SLC30A7: variants seen among roughly 807,000 people sequenced by gnomAD.
The protein encoded by SLC30A7 is solute carrier family 30 member 7, also known as zinc transporter 7.
In SLC30A7, 35 loss-of-function variants were observed where a neutral mutation model predicts 46.0. The ratio of observed to expected loss-of-function variants is 0.76; its 90% CI spans 0.58 to 1.01. The LOEUF (loss-of-function observed/expected upper bound fraction) is 1.01. SLC30A7 is among the 50% of genes least tolerant of loss of function. The pLI, the probability that SLC30A7 is intolerant of heterozygous loss-of-function variation, is 0.00. For synonymous variants in SLC30A7, 147 were observed against 157.8 expected (o/e 0.93, Z 0.51); for missense variants, 464 against 451.1 (o/e 1.03, Z -0.26).
At chr1:100,939,333 T>C (rs1654195764) in intron 8 of SLC30A7, among the ~76,000 whole-genome samples, 1 of 152,106 alleles carries the variant, frequency 6.6e-6, no homozygotes, top group African/African-American at 2.4e-5. Context: ...AAGTTACAGA[T>C]ATAAGATTGA....
intron 9 of SLC30A7, among the ~76,000 whole-genome samples, chr1:100,962,919 G>T (rs1049579011): frequency 6.6e-6 from 1 of 152,132 alleles, no homozygotes; most frequent in African/African-American, 2.4e-5. Context: ...GATTATATTA[G>T]CAGAGGGGAG....
intron 8 of SLC30A7, among the ~76,000 whole-genome samples, chr1:100,932,458 T>C (rs1653718625): frequency 6.6e-6 from 1 of 152,062 alleles, no homozygotes; most frequent in Non-Finnish European, 1.5e-5. Context: ...ATGGCCTCTT[T>C]GTGGTTTGCA....
At chr1:100,898,338 G>A (rs1055631862) in intron 2 of SLC30A7, among the ~76,000 whole-genome samples, 3 of 152,050 alleles carry the variant, frequency 2.0e-5, no homozygotes, top group Non-Finnish European at 4.4e-5. Flanking sequence ...AGATCTGTTG[G>A]GGAGATTACC....
rs182133880 is a variant in SLC30A7 at position 100,937,646 on chromosome 1, T to C, written c.842+15805T>C. ...GGAAAATGTCTATTCAAATACTTTG[T>C]CCATTTTTAAATTGTTTGTTGTTGT... On this transcript the variant is annotated intron_variant, in intron 8 of 10. Coordinates refer to ENST00000357650, the MANE Select transcript of SLC30A7 (RefSeq NM_133496.5). Among the ~76,000 whole-genome samples, 235 of 152,322 alleles carry C rather than the reference T, an allele frequency of 1.5e-3. 1 individual carries two copies. Among genetic ancestry groups the C allele is most frequent in the Admixed American group, 2.5e-3 (38 of 15,308 alleles).
intron 8 of SLC30A7, among the ~76,000 whole-genome samples, chr1:100,953,635 T>C (rs935062091): frequency 7.2e-5 from 11 of 152,182 alleles, no homozygotes; most frequent in African/African-American, 2.7e-4. Flanking sequence ...CAGGTCTCAT[T>C]AGCATTTCAA....
intron 7 of SLC30A7, 101 bp from the exon 8 acceptor site, chr1:100,921,605 C>A: frequency 1.2e-6 from 1 of 835,080 alleles, no homozygotes; most frequent in Non-Finnish European, 1.8e-6. Flanking sequence ...AAGTTGATAT[C>A]TAGTTTTTTA....
At chr1:100,967,680 C>T (rs908136527) in intron 10 of SLC30A7, among the ~76,000 whole-genome samples, 2 of 152,178 alleles carry the variant, frequency 1.3e-5, no homozygotes, top group African/African-American at 2.4e-5. Flanking sequence ...ACAAGTACAG[C>T]TTGTGAGAGC....
chr1:100,933,328 C>A (rs1653776809), intron 8 of SLC30A7, among the ~76,000 whole-genome samples: 1 of 152,056 alleles, frequency 6.6e-6, no homozygotes, highest in South Asian at 2.1e-4. Flanking sequence ...ACTCTCTATA[C>A]TTTGCTGCCC....
chr1:100,914,566 T>C (rs1652355690), intron 6 of SLC30A7, among the ~76,000 whole-genome samples: 1 of 152,230 alleles, frequency 6.6e-6, no homozygotes, highest in African/African-American at 2.4e-5. Context: ...GATGCTAACT[T>C]ATGTAGCATT....
At chr1:100,902,637 A>C (rs878940950) in intron 2 of SLC30A7, among the ~76,000 whole-genome samples, 1 of 152,198 alleles carries the variant, frequency 6.6e-6, no homozygotes, top group African/African-American at 2.4e-5. Flanking sequence ...AATCTGTTCC[A>C]TGATCTTTCT....
chr1:100,919,431 C>A (rs529946434), intron 7 of SLC30A7, among the ~76,000 whole-genome samples: 1 of 152,054 alleles, frequency 6.6e-6, no homozygotes, highest in Non-Finnish European at 1.5e-5. Context: ...ATATAACTCT[C>A]GTTTTTTATT....
In SLC30A7 at chr1:100,979,282, C is replaced by A. The variant is rs1431839511; in HGVS notation, c.*4425C>A. 6.7e-6 allele frequency: 1 copy of A among 149,876 alleles called. No homozygotes were observed. Among genetic ancestry groups the A allele is most frequent in the Admixed American group, 6.6e-5 (1 of 15,066 alleles). 9.3% of individuals were successfully genotyped at this position (149,876 alleles called of 1,614,324 possible). A position where few individuals can be genotyped will look rare whatever the true frequency, so the allele number is the denominator to read the frequency against. On this transcript the variant is annotated 3_prime_UTR_variant, in exon 11 of 11. Coordinates refer to ENST00000357650, the MANE Select transcript of SLC30A7 (RefSeq NM_133496.5). ...CAAATTATTTTCCAATTCATAAGAACTTTGGTAAAAAAAAAAATAAAAGGA... is the reference window on the plus strand; with the variant it reads ...CAAATTATTTTCCAATTCATAAGAAATTTGGTAAAAAAAAAAATAAAAGGA...
rs575830035 is a variant in SLC30A7 at position 100,923,656 on chromosome 1, A to G, written c.842+1815A>G. Among the ~76,000 whole-genome samples the G allele has an allele frequency of 2.7e-3, 404 of 152,238 alleles. 2 individuals are homozygous for G. The highest frequency in any genetic ancestry group is 2.6e-3 in the Non-Finnish European group (174 of 68,012). ...AGCTGGGCATGGTGGTTGTGTACCT[A>G]TAGTTGCAGCTACTTGGGATGCTGA... On this transcript the variant is annotated intron_variant, in intron 8 of 10. Coordinates refer to ENST00000357650, the MANE Select transcript of SLC30A7 (RefSeq NM_133496.5).
intron 8 of SLC30A7, among the ~76,000 whole-genome samples, chr1:100,955,159 G>A (rs184421946): frequency 2.8e-4 from 43 of 151,966 alleles, no homozygotes; most frequent in South Asian, 1.7e-3. Context: ...AGAAGTTTTC[G>A]TAATGCATAC....
intron 2 of SLC30A7, among the ~76,000 whole-genome samples, chr1:100,903,281 G>A (rs1639010906): frequency 6.6e-6 from 1 of 151,530 alleles, no homozygotes; most frequent in Non-Finnish European, 1.5e-5. Context: ...CTTTTCTTGG[G>A]GGATCGAAAA....
chr1:100,943,329 CAA>C (rs1489373701), intron 8 of SLC30A7, among the ~76,000 whole-genome samples: 2 of 152,254 alleles, frequency 1.3e-5, no homozygotes, highest in East Asian at 1.9e-4. Context: ...AAGGACATAA[CAA>C]AGGATACAGA....
intron 6 of SLC30A7, 79 bp downstream of exon 6, chr1:100,913,885 T>G: frequency 6.5e-7 from 1 of 1,540,576 alleles, no homozygotes; most frequent in Non-Finnish European, 8.8e-7. Flanking sequence ...GTTGAAATAG[T>G]TTATTAAAAA....
intron 8 of SLC30A7, among the ~76,000 whole-genome samples, chr1:100,952,602 G>GA (rs1007657615): frequency 4.6e-5 from 7 of 151,646 alleles, no homozygotes; most frequent in Admixed American, 2.6e-4. Flanking sequence ...AAAAAGGCAA[G>GA]AAAAAAAACA....
intron 8 of SLC30A7, among the ~76,000 whole-genome samples, chr1:100,961,253 G>A (rs1655535534): frequency 6.6e-6 from 1 of 151,950 alleles, no homozygotes; most frequent in East Asian, 1.9e-4. Context: ...GAGCCACCGC[G>A]CCCGGCCTGT....
Sources: gnomAD v4.1 joint callset for allele counts (sites outside exome capture counted in the v4.1 genomes callset) on GRCh38, gnomAD v4.1.1 for gene constraint, MANE v1.5 for transcripts, NCBI Gene and HGNC (gene_info 2026-07-23, HGNC 2026-07-21) for gene names.